The following SLC6A8 variants were observed in gnomAD, a reference collection of about 807,000 sequenced individuals.
SLC6A8 encodes sodium- and chloride-dependent creatine transporter 1.
In SLC6A8, 6 loss-of-function variants were observed where a neutral mutation model predicts 48.3. The observed-to-expected ratio is 0.12, with a 90% confidence interval of 0.07 to 0.25. SLC6A8 has a LOEUF of 0.25. SLC6A8 is among the 10% of genes least tolerant of loss of function. SLC6A8 has a pLI of 1.00. For synonymous variants in SLC6A8, 245 were observed against 244.0 expected (o/e 1.00, Z -0.04); for missense variants, 260 against 551.5 (o/e 0.47, Z 5.29).
chrX:153,691,146 C>T (rs2091453994), intron 2 of SLC6A8, 158 bp from the exon 3 acceptor site: 2 of 583,394 alleles, frequency 3.4e-6, no homozygotes, highest in Non-Finnish European at 5.7e-6. Context: ...AGTGTTGGGG[C>T]TCACACAAGG....
At chrX:153,692,439 C>G in intron 4 of SLC6A8, 1 of 360,686 alleles carries the variant, frequency 2.8e-6, no homozygotes. Flanking sequence ...AGAGCAGAGT[C>G]TGGCCACATC....
In SLC6A8 at chrX:153,690,359, G is replaced by A. The variant is rs1557044160; in HGVS notation, c.263-16G>A. 2 of 1,191,711 alleles carry A rather than the reference G, an allele frequency of 1.7e-6. No homozygotes were observed. The highest frequency in any genetic ancestry group is 2.3e-6 in the Non-Finnish European group (2 of 884,622). ...CTGGGGGCCACCCTGAGTCCACGCT[G>A]TGCCTCCACCCCCAGGTGTGTTCCT... On this transcript the variant is annotated splice_polypyrimidine_tract_variant and intron_variant, in intron 1 of 12. Coordinates refer to ENST00000253122, the MANE Select transcript of SLC6A8 (RefSeq NM_005629.4).
intron 4 of SLC6A8, 190 bp from the exon 5 acceptor site, chrX:153,692,851 C>CGGA (rs782743774): frequency 1.3e-5 from 7 of 548,537 alleles, no homozygotes; most frequent in Non-Finnish European, 2.2e-5. Flanking sequence ...GCCCAGGGAG[C>CGGA]TTCCCCACTG....
rs2148358311 is a variant in SLC6A8, at chrX:153,688,583, G to A, written c.9G>A (p.Lys3=). 26 of 1,042,788 alleles carry A rather than the reference G, an allele frequency of 2.5e-5. No individual in the cohort carries two copies. Among genetic ancestry groups the A allele is most frequent in the Non-Finnish European group, 3.2e-5 (26 of 805,952 alleles). 85.9% of individuals were successfully genotyped at this position (1,042,788 alleles called of 1,213,427 possible). Reference sequence around the variant, plus strand: ...TGCGGCCCGCCGAGGCCATGGCGAAGAAGAGCGCCGAGAACGGCATCTATA... The same window carrying A: ...TGCGGCCCGCCGAGGCCATGGCGAAAAAGAGCGCCGAGAACGGCATCTATA... MA[K]KSAENGIYSV... Residue 3 remains lysine (K), a synonymous_variant, in exon 1 of 13, where the codon AAG becomes AAA. Transcript: ENST00000253122.
rs1452981445 is a variant in SLC6A8 at position 153,694,684 on chromosome X, A to G, written c.1597-35A>G. ...GGCGGGGGGCGAGGCAGGGCGGGGT[A>G]GGGGCCCCATTAACCGCAGCATTCT... is the stretch of plus-strand genomic sequence containing the variant. On this transcript the variant is annotated intron_variant, in intron 11 of 12. Transcript: ENST00000253122. The G allele has an allele frequency of 2.0e-5, 22 of 1,079,440 alleles. No individual in the cohort carries two copies. The Admixed American group carries it at 4.6e-4, about 23-fold the overall frequency. 89.0% of individuals were successfully genotyped at this position (1,079,440 alleles called of 1,213,427 possible).
rs1391149766 is a variant in SLC6A8, at chrX:153,687,939, G to T, written c.-636G>T. The stretch of plus-strand genomic sequence containing the variant: ...GCCGGGGACGGGGAAGAGAGGGATA[G>T]TCGGAGCGAGGTGGCGAGTCGCTGA... On this transcript the variant is annotated 5_prime_UTR_variant, in exon 1 of 13. Coordinates refer to ENST00000253122, the MANE Select transcript of SLC6A8 (RefSeq NM_005629.4). The T allele has an allele frequency of 1.8e-5, 2 of 110,430 alleles. No homozygotes were observed. Among genetic ancestry groups the T allele is most frequent in the African/African-American group, 6.8e-5 (2 of 29,252 alleles). The allele number at this position is 110,430 out of a possible 1,213,427, so 9.1% of individuals were successfully genotyped here. A position where few individuals can be genotyped will look rare whatever the true frequency, so the allele number is the denominator to read the frequency against.
Position 153,688,797 on chromosome X carries a change from G to A in SLC6A8, c.223G>A (p.Val75Met). Residue 75 changes from valine to methionine, a missense_variant, in exon 1 of 13, where the codon GTG (valine) becomes ATG (methionine). Physicochemically the swap from Val to Met is conservative, Grantham distance 21 (BLOSUM62 1). Transcript: ENST00000253122. Reference protein sequence around the residue: ...CVGFAVGLGNVWRFPYLCYKN... With the variant: ...CVGFAVGLGNMWRFPYLCYKN... ...GGGCTTCGCCGTGGGCTTGGGCAAC[G>A]TGTGGCGCTTCCCCTACCTGTGCTA... 1 of 1,139,979 alleles carries A rather than the reference G, an allele frequency of 8.8e-7. No homozygotes were observed. The highest frequency in any genetic ancestry group is 2.5e-5 in the Admixed American group (1 of 39,923). The allele number at this position is 1,139,979 out of a possible 1,213,427, so 93.9% of individuals were successfully genotyped here.
In SLC6A8 at chrX:153,696,279, C is replaced by A. The variant is rs2091491538; in HGVS notation, c.*1065C>A. On this transcript the variant is annotated 3_prime_UTR_variant, in exon 13 of 13. Transcript: ENST00000253122. ...CCGTCCTGGGTGTCTGGGCTGCTAA[C>A]CTGGCCTGCTCAGGCTTCCCACCCT... 3.2e-6 allele frequency: 1 copy of A among 308,116 alleles called. No homozygotes were observed. The highest frequency in any genetic ancestry group is 2.7e-5 in the African/African-American group (1 of 37,625). 25.4% of individuals were successfully genotyped at this position (308,116 alleles called of 1,213,427 possible).
In SLC6A8 at chrX:153,693,452, C is replaced by T. The variant is rs1557045124; in HGVS notation, c.1017-10C>T. ...CCTAACCCATCCACTCTGGCCCCTC[C>T]ACCCCTCAGGGACGCCATCATCCTG... On this transcript the variant is annotated splice_polypyrimidine_tract_variant and intron_variant, in intron 6 of 12. Transcript: ENST00000253122. The T allele has an allele frequency of 1.7e-6, 2 of 1,211,288 alleles. No individual in the cohort carries two copies. Among genetic ancestry groups the T allele is most frequent in the Non-Finnish European group, 2.2e-6 (2 of 895,047 alleles).
Position 153,692,291 on chromosome X carries a change from G to A in SLC6A8, c.777+184G>A, listed in dbSNP as rs1218227809. On this transcript the variant is annotated intron_variant, in intron 4 of 12. Transcript: ENST00000253122. ...CAGGGCCCAGCAGCCTTTGCTCCTGGGGATAGAGGCCCTGGCAGGCACTGT... is the reference window on the plus strand; with the variant it reads ...CAGGGCCCAGCAGCCTTTGCTCCTGAGGATAGAGGCCCTGGCAGGCACTGT... 4 of 514,921 alleles carry A rather than the reference G, an allele frequency of 7.8e-6. No individual in the cohort carries two copies. In the Admixed American group the frequency reaches 8.2e-5, roughly 11 times the overall value. 42.4% of individuals were successfully genotyped at this position (514,921 alleles called of 1,213,427 possible). A position where few individuals can be genotyped will look rare whatever the true frequency, so the allele number is the denominator to read the frequency against.
At chrX:153,693,676 G>C (rs1292889902) in intron 7 of SLC6A8, 90 bp downstream of exon 7, 12 of 1,044,821 alleles carry the variant, frequency 1.1e-5, no homozygotes, top group African/African-American at 3.7e-5. Context: ...ATGCTGAAAA[G>C]TGACGAGGAT....
intron 4 of SLC6A8, 30 bp from the exon 5 acceptor site, chrX:153,693,011 C>T (rs1557044924): frequency 8.3e-7 from 1 of 1,209,805 alleles, no homozygotes; most frequent in Admixed American, 2.2e-5. Context: ...GGTGGTGCCA[C>T]AGCCTCCGCT....
rs782128137 is a variant in SLC6A8, at chrX:153,688,778, C to T, written c.204C>T (p.Phe68=). 1.8e-6 allele frequency: 2 copies of T among 1,138,087 alleles called. No individual in the cohort carries two copies. Among genetic ancestry groups the T allele is most frequent in the Admixed American group, 5.1e-5 (2 of 39,592 alleles). The allele number at this position is 1,138,087 out of a possible 1,213,427, so 93.8% of individuals were successfully genotyped here. A position where few individuals can be genotyped will look rare whatever the true frequency, so the allele number is the denominator to read the frequency against. Reference sequence around the variant, plus strand: ...ACTTCATCATGTCGTGCGTGGGCTTCGCCGTGGGCTTGGGCAACGTGTGGC... The same window carrying T: ...ACTTCATCATGTCGTGCGTGGGCTTTGCCGTGGGCTTGGGCAACGTGTGGC... ...QMDFIMSCVG[F]AVGLGNVWRF... Residue 68 remains phenylalanine (F), a synonymous_variant, in exon 1 of 13, where the codon TTC becomes TTT. Transcript: ENST00000253122.
At chrX:153,691,226 C>T in intron 2 of SLC6A8, 78 bp from the exon 3 acceptor site, 1 of 1,101,120 alleles carries the variant, frequency 9.1e-7, no homozygotes, top group Non-Finnish European at 1.2e-6. Flanking sequence ...GCACGGCCAG[C>T]CTGGGTGGGG....
rs1475473505 is a variant in SLC6A8, at chrX:153,695,586, A to T, written c.*372A>T. On this transcript the variant is annotated 3_prime_UTR_variant, in exon 13 of 13. Coordinates refer to ENST00000253122, the MANE Select transcript of SLC6A8 (RefSeq NM_005629.4). The stretch of plus-strand genomic sequence containing the variant: ...CCCGTGGGTGACCCCTCACCCCAGA[A>T]GCAGCAGTGGCAGCTTGGGAAATGT... 1.8e-5 allele frequency: 4 copies of T among 219,760 alleles called. No individual in the cohort carries two copies. The highest frequency in any genetic ancestry group is 3.3e-5 in the Non-Finnish European group (4 of 122,160). 18.1% of individuals were successfully genotyped at this position (219,760 alleles called of 1,213,427 possible). A position where few individuals can be genotyped will look rare whatever the true frequency, so the allele number is the denominator to read the frequency against.
At position 153,692,777 on chromosome X, in the gene SLC6A8, TGAG is replaced by T. The variant is rs1557044823; in HGVS notation, c.778-260_778-258del. ...CGTGCTCCACGCCTCCTGTCCCCAC[TGAG>T]GAGAGCTCCCAGAGGCTCGCCTGCT... On this transcript the variant is annotated intron_variant, in intron 4 of 12. Transcript: ENST00000253122. 6.6e-6 allele frequency: 3 copies of T among 456,670 alleles called. No homozygotes were observed. In the East Asian group the frequency reaches 1.4e-4, roughly 21 times the overall value. The allele number at this position is 456,670 out of a possible 1,213,427, so 37.6% of individuals were successfully genotyped here. A position where few individuals can be genotyped will look rare whatever the true frequency, so the allele number is the denominator to read the frequency against.
At position 153,694,525 on chromosome X, in the gene SLC6A8, C is replaced by T. The variant is rs376038235; in HGVS notation, c.1496-8C>T. 4.4e-4 allele frequency: 526 copies of T among 1,204,764 alleles called. 1 individual carries two copies. In the East Asian group the frequency reaches 0.011, roughly 26 times the overall value. Reference sequence around the variant, plus strand: ...CCAGCTTGGCCCTCCCGCCTCACCTCGCCGCAGGAGCTGACCGCTTCATGG... The same window carrying T: ...CCAGCTTGGCCCTCCCGCCTCACCTTGCCGCAGGAGCTGACCGCTTCATGG... On this transcript the variant is annotated splice_polypyrimidine_tract_variant and splice_region_variant and intron_variant, in intron 10 of 12. Coordinates refer to ENST00000253122, the MANE Select transcript of SLC6A8 (RefSeq NM_005629.4).
intron 4 of SLC6A8, chrX:153,692,552 C>G: frequency 2.9e-6 from 1 of 339,463 alleles, no homozygotes; most frequent in South Asian, 2.6e-5. Context: ...GTCCCCAGAG[C>G]AGCATGTGGG....
At chrX:153,693,624 A>G (rs1557045177) in intron 7 of SLC6A8, 38 bp downstream of exon 7, 4 of 1,184,686 alleles carry the variant, frequency 3.4e-6, no homozygotes, top group Non-Finnish European at 4.6e-6. Flanking sequence ...CAGAGCAGCG[A>G]GTGCTACCCA....
Sources: allele counts gnomAD v4.1 joint callset, GRCh38; gene constraint gnomAD v4.1.1; transcripts MANE v1.5; gene names NCBI Gene and HGNC (gene_info 2026-07-23, HGNC 2026-07-21).